Variants in ANKH observed in about 807,000 individuals in gnomAD.
ANKH encodes the protein ANKH inorganic pyrophosphate transport regulator.
Under a neutral mutation model 49.0 loss-of-function variants are expected in ANKH, and 15 were observed. That is an observed-to-expected ratio of 0.31 (90% CI 0.20 to 0.47). The LOEUF (loss-of-function observed/expected upper bound fraction) is 0.47, where lower values mean the gene tolerates loss of function less well. ANKH is among the 20% of genes least tolerant of loss of function. ANKH has a pLI of 1.00. For synonymous variants in ANKH, 273 were observed against 260.0 expected (o/e 1.05, Z -0.48); for missense variants, 429 against 652.0 (o/e 0.66, Z 3.72).
chr5:14,793,047 T>TATAAATATATATAA (rs1209292505), intron 1 of ANKH, among the ~76,000 whole-genome samples: 1 of 64,786 alleles, frequency 1.5e-5, no homozygotes, highest in Non-Finnish European at 2.8e-5. Flanking sequence ...AATATATATA[T>TATAAATATATATAA]AAATATATAT....
intron 1 of ANKH, among the ~76,000 whole-genome samples, chr5:14,838,257 TATA>T (rs1741715455): frequency 3.3e-5 from 5 of 151,448 alleles, no homozygotes; most frequent in African/African-American, 4.9e-5. Context: ...GAACTTAAAG[TATA>T]ATAATAAAAA....
intron 8 of ANKH, among the ~76,000 whole-genome samples, chr5:14,719,224 A>G (rs532798774): frequency 4.8e-4 from 73 of 152,370 alleles, no homozygotes; most frequent in African/African-American, 1.7e-3. Context: ...TAAGTTTTGA[A>G]GGCGGATGAT....
At position 14,707,139 on chromosome 5, in the gene ANKH, C is replaced by G. The variant is rs984778989; in HGVS notation, c.*4058G>C. On this transcript the variant is annotated 3_prime_UTR_variant, in exon 12 of 12. Transcript: ENST00000284268. ...GCTCACCTGCAAAGCTGGTACTAACCGGCACATGCTGTCCTGGGCACTGTT... is the reference window on the plus strand; with the variant it reads ...GCTCACCTGCAAAGCTGGTACTAACGGGCACATGCTGTCCTGGGCACTGTT... 3.9e-5 allele frequency: 6 copies of G among 152,144 alleles called. No individual in the cohort carries two copies. The highest frequency in any genetic ancestry group is 5.9e-5 in the Non-Finnish European group (4 of 68,030). The allele number at this position is 152,144 out of a possible 1,614,324, so 9.4% of individuals were successfully genotyped here. A position where few individuals can be genotyped will look rare whatever the true frequency, so the allele number is the denominator to read the frequency against.
rs1739332634 is a variant in ANKH, at chr5:14,768,867, T to TTCTTATGATATTTAGTGAACATTTCTTA, written c.313+107_313+108insTAAGAAATGTTCACTAAATATCATAAGA. On this transcript the variant is annotated intron_variant, in intron 2 of 11. Transcript: ENST00000284268. ...CCCCTGAAAATTTCATAAGAAACAT[T>TTCTTATGATATTTAGTGAACATTTCTTA]TGATAATTAGTGAAGAAACCACTTA... 3 of 1,231,552 alleles carry TTCTTATGATATTTAGTGAACATTTCTTA rather than the reference T, an allele frequency of 2.4e-6. No individual in the cohort carries two copies. In the Admixed American group the frequency reaches 5.2e-5, roughly 21 times the overall value. 76.3% of individuals were successfully genotyped at this position (1,231,552 alleles called of 1,614,324 possible).
intron 3 of ANKH, among the ~76,000 whole-genome samples, chr5:14,756,527 G>T (rs554322483): frequency 2.8e-4 from 42 of 152,344 alleles, no homozygotes; most frequent in Non-Finnish European, 5.4e-4. Flanking sequence ...GACGGGCTCT[G>T]TTTAAGGATC....
chr5:14,774,820 G>T (rs1161819506), intron 1 of ANKH, among the ~76,000 whole-genome samples: 2 of 152,104 alleles, frequency 1.3e-5, no homozygotes, highest in African/African-American at 2.4e-5. Context: ...ACAACATGGG[G>T]GGTGGTAGGG....
chr5:14,802,558 A>C (rs1740595488), intron 1 of ANKH, among the ~76,000 whole-genome samples: 1 of 151,284 alleles, frequency 6.6e-6, no homozygotes, highest in African/African-American at 2.4e-5. Context: ...GCTTCCCATC[A>C]CCCCTTGGCC....
chr5:14,789,990 G>A (rs1022547039), intron 1 of ANKH, among the ~76,000 whole-genome samples: 7 of 152,158 alleles, frequency 4.6e-5, no homozygotes, highest in African/African-American at 9.7e-5. Flanking sequence ...GATTACAGGC[G>A]TGAGCCACCA....
At chr5:14,834,888 G>T (rs1741610014) in intron 1 of ANKH, among the ~76,000 whole-genome samples, 1 of 152,212 alleles carries the variant, frequency 6.6e-6, no homozygotes, top group South Asian at 2.1e-4. Flanking sequence ...TTATTTAGAA[G>T]ATTCGTGAAT....
At chr5:14,771,779 G>A (rs1476058782) in intron 1 of ANKH, among the ~76,000 whole-genome samples, 1 of 151,778 alleles carries the variant, frequency 6.6e-6, no homozygotes. Context: ...AAATTAGCTG[G>A]ACATGATGGT....
chr5:14,794,634 C>A (rs1176793195), intron 1 of ANKH, among the ~76,000 whole-genome samples: 1 of 152,224 alleles, frequency 6.6e-6, no homozygotes, highest in African/African-American at 2.4e-5. Context: ...ATCCCAAAGG[C>A]AGATCATTTC....
intron 1 of ANKH, among the ~76,000 whole-genome samples, chr5:14,788,611 G>A (rs1188233568): frequency 2.6e-5 from 4 of 152,176 alleles, no homozygotes; most frequent in African/African-American, 4.8e-5. Flanking sequence ...ATTAATTGCC[G>A]TAAGGATTAG....
At chr5:14,818,182 C>T (rs1741094475) in intron 1 of ANKH, among the ~76,000 whole-genome samples, 2 of 151,930 alleles carry the variant, frequency 1.3e-5, no homozygotes, top group African/African-American at 2.4e-5. Context: ...AAACCTTTAG[C>T]TCTTTTCTCT....
intron 1 of ANKH, chr5:14,798,403 C>A (rs1225029736): frequency 6.4e-7 from 1 of 1,558,304 alleles, no homozygotes; most frequent in African/African-American, 1.4e-5. Context: ...TCGGCCATGG[C>A]GGGCAGGCGA....
intron 1 of ANKH, among the ~76,000 whole-genome samples, chr5:14,810,616 G>A (rs1287466857): frequency 6.6e-6 from 1 of 152,118 alleles, no homozygotes; most frequent in African/African-American, 2.4e-5. Context: ...CATGAATTCA[G>A]TGCCTGGCCA....
Position 14,846,203 on chromosome 5 carries a change from T to C in ANKH, c.96+25149A>G, listed in dbSNP as rs114993710. On this transcript the variant is annotated intron_variant, in intron 1 of 11. Transcript: ENST00000284268. ...CCAAATTCTAATCTCTGAGCATCTT[T>C]TGGTAAATATGCATAAGGCAGTGTG... is the stretch of plus-strand genomic sequence containing the variant. Among the ~76,000 whole-genome samples, 789 of 152,310 alleles carry C rather than the reference T, an allele frequency of 5.2e-3. 6 individuals carry two copies. Among genetic ancestry groups the C allele is most frequent in the African/African-American group, 0.017 (702 of 41,576 alleles).
At chr5:14,798,478 G>T (rs31990) in intron 1 of ANKH, 1 of 1,119,268 alleles carries the variant, frequency 8.9e-7, no homozygotes, top group South Asian at 1.6e-5. Flanking sequence ...TTCGCTCTGC[G>T]CACGCGGTCT....
At chr5:14,863,951 G>A (rs1436331594) in intron 1 of ANKH, among the ~76,000 whole-genome samples, 5 of 152,056 alleles carry the variant, frequency 3.3e-5, no homozygotes, top group Non-Finnish European at 5.9e-5. Context: ...GTGGTGGCTC[G>A]TGCCTGTAAT....
rs1267380844 is a variant in ANKH at position 14,793,037 on chromosome 5, A to AATAT, written c.97-23850_97-23847dup. ...ATATATATAAATATATATATATAAA[A>AATAT]ATATATATATAAATATATATAAAAT... On this transcript the variant is annotated intron_variant, in intron 1 of 11. Coordinates refer to ENST00000284268, the MANE Select transcript of ANKH (RefSeq NM_054027.6). Among the ~76,000 whole-genome samples, 97 of 56,132 alleles carry AATAT rather than the reference A, an allele frequency of 1.7e-3. 1 individual carries two copies. The highest frequency in any genetic ancestry group is 6.9e-3 in the African/African-American group (88 of 12,778). The allele number at this position is 56,132 out of a possible 152,430, so 36.8% of individuals were successfully genotyped here. A position where few individuals can be genotyped will look rare whatever the true frequency, so the allele number is the denominator to read the frequency against.
Sources: allele counts gnomAD v4.1 joint callset (sites outside exome capture counted in the v4.1 genomes callset), GRCh38; gene constraint gnomAD v4.1.1; transcripts MANE v1.5; gene names NCBI Gene and HGNC (gene_info 2026-07-23, HGNC 2026-07-21).